Variants in TNRC6A observed in about 807,000 individuals in gnomAD.
The protein encoded by TNRC6A is trinucleotide repeat-containing gene 6A protein.
In TNRC6A, 44 loss-of-function variants were observed where a neutral mutation model predicts 221.2. The ratio of observed to expected loss-of-function variants is 0.20; its 90% CI spans 0.16 to 0.26. TNRC6A has a LOEUF of 0.26. Among genes scored for constraint, TNRC6A ranks in the 10% least tolerant of loss-of-function variants. TNRC6A has a pLI of 1.00. For missense variants in TNRC6A, 2,199 were observed against 2,404.4 expected, an observed-to-expected ratio of 0.91 and a Z score of 1.79; for synonymous variants, 847 against 838.5, an observed-to-expected ratio of 1.01 and a Z score of -0.18.
intron 4 of TNRC6A, among the ~76,000 whole-genome samples, chr16:24,763,701 C>T (rs2057411646): frequency 6.6e-6 from 1 of 152,164 alleles, no homozygotes; most frequent in Non-Finnish European, 1.5e-5. Context: ...ATGTTATGGT[C>T]ACTGGTAATA....
chr16:24,709,924 A>T (rs1017944628), intron 2 of TNRC6A, among the ~76,000 whole-genome samples: 5 of 151,946 alleles, frequency 3.3e-5, no homozygotes, highest in African/African-American at 7.3e-5. Flanking sequence ...AAAGGTATAA[A>T]TTTTTTTTAA....
chr16:24,678,878 C>G (rs2055472498), intron 2 of TNRC6A, among the ~76,000 whole-genome samples: 1 of 152,130 alleles, frequency 6.6e-6, no homozygotes, highest in Admixed American at 6.6e-5. Context: ...CCATTTCAAA[C>G]TGTGAACTCT....
Position 24,824,125 on chromosome 16 carries a change from A to ACCC in TNRC6A, c.*318_*319insCCC, listed in dbSNP as rs1402582098. ...TTTTTTTTTCCTTCTATTCCTCCCC[A>ACCC]ACCCCCCCCCCCGCCCCTTTTTTTC... On this transcript the variant is annotated 3_prime_UTR_variant, in exon 25 of 25. Transcript: ENST00000395799. 403 of 21,320 alleles carry ACCC rather than the reference A, an allele frequency of 0.019. No homozygotes were observed. The highest frequency in any genetic ancestry group is 0.029 in the African/African-American group (106 of 3,654). The allele number at this position is 21,320 out of a possible 1,614,324, so 1.3% of individuals were successfully genotyped here.
intron 3 of TNRC6A, among the ~76,000 whole-genome samples, chr16:24,756,720 T>G (rs555149300): frequency 6.6e-6 from 1 of 152,304 alleles, no homozygotes; most frequent in South Asian, 2.1e-4. Flanking sequence ...CTCAAACTCC[T>G]GGCCTCAAGC....
rs1405927737 is a variant in TNRC6A at position 24,678,324 on chromosome 16, A to AG, written n.402+37315_402+37316insG. ...AGACCCTGTCTCAAAAAAAAAAAAA[A>AG]AAAATAGGCTATGGCAAAAGTGATG... On this transcript the variant is annotated intron_variant and non_coding_transcript_variant, in intron 2 of 2. Transcript: ENST00000566108. Among the ~76,000 whole-genome samples the AG allele has an allele frequency of 5.3e-5, 8 of 151,854 alleles. No individual in the cohort carries two copies. In the East Asian group the frequency reaches 1.5e-3, roughly 29 times the overall value.
chr16:24,689,300 C>A (rs536267097), intron 2 of TNRC6A, among the ~76,000 whole-genome samples: 1 of 152,146 alleles, frequency 6.6e-6, no homozygotes, highest in Admixed American at 6.6e-5. Flanking sequence ...TCACAGCCAA[C>A]GCTTTAGGAA....
At chr16:24,614,580 T>C (rs1310043129) in intron 1 of TNRC6A, among the ~76,000 whole-genome samples, 1 of 152,170 alleles carries the variant, frequency 6.6e-6, no homozygotes, top group Non-Finnish European at 1.5e-5. Context: ...GTGGGTGTGG[T>C]GAAATAAGAT....
rs190482613 is a variant in TNRC6A, at chr16:24,805,231, A to G, written c.4122+80A>G. 54 of 1,552,362 alleles carry G rather than the reference A, an allele frequency of 3.5e-5. 1 individual carries two copies. In the Middle Eastern group the frequency reaches 6.8e-4, roughly 20 times the overall value. On this transcript the variant is annotated intron_variant, in intron 14 of 24. Coordinates refer to ENST00000395799, the MANE Select transcript of TNRC6A (RefSeq NM_014494.4). The stretch of plus-strand genomic sequence containing the variant: ...ATTTTGTATTTGAATAAAATGGCTA[A>G]CTAAGCATTATCATATTTATTGGCA...
intron 5 of TNRC6A, among the ~76,000 whole-genome samples, chr16:24,783,964 G>A (rs1228450537): frequency 2.0e-5 from 3 of 152,070 alleles, no homozygotes; most frequent in African/African-American, 4.8e-5. Context: ...AGTTTTAATA[G>A]CGTCTTTTCC....
chr16:24,764,866 A>T (rs1486530950), intron 4 of TNRC6A, among the ~76,000 whole-genome samples: 1 of 152,200 alleles, frequency 6.6e-6, no homozygotes, highest in Admixed American at 6.5e-5. Flanking sequence ...TTCCTATACA[A>T]CATACCTATG....
At chr16:24,722,395 C>G (rs916700885) in intron 2 of TNRC6A, among the ~76,000 whole-genome samples, 4 of 150,848 alleles carry the variant, frequency 2.7e-5, no homozygotes, top group African/African-American at 9.8e-5. Context: ...GCCTGGGTGA[C>G]AGAGCAAGAC....
intron 5 of TNRC6A, chr16:24,778,407 C>A (rs2057771620): frequency 1.0e-6 from 1 of 985,314 alleles, no homozygotes; most frequent in African/African-American, 1.7e-5. Flanking sequence ...ATGCTTGTAA[C>A]CACCATGCTG....
In TNRC6A at chr16:24,820,031, TTTTG is replaced by T. The variant is rs1010605617; in HGVS notation, c.5081-101_5081-98del. ...AGTTGATTTGGGGTTTTAAAGTTTC[TTTTG>T]TTTGTTAGATTTGCTTTTTGTGGGA... On this transcript the variant is annotated intron_variant, in intron 21 of 24. Transcript: ENST00000395799. 3.8e-6 allele frequency: 4 copies of T among 1,065,606 alleles called. No homozygotes were observed. In the African/African-American group the frequency reaches 6.4e-5, roughly 17 times the overall value. The allele number at this position is 1,065,606 out of a possible 1,614,324, so 66.0% of individuals were successfully genotyped here.
rs1426770982 is a variant in TNRC6A at position 24,690,016 on chromosome 16, AAAAAAAAAAAATT to A, written n.402+49008_402+49020del. On this transcript the variant is annotated intron_variant and non_coding_transcript_variant, in intron 2 of 2. Transcript: ENST00000566108. ...AAAAAAAAAAAAAAAAAAAAAAAAA[AAAAAAAAAAAATT>A]TTTTTTTTTTGAGATAGGGTCTCAT... is the stretch of plus-strand genomic sequence containing the variant. Among the ~76,000 whole-genome samples, 4 of 77,878 alleles carry A rather than the reference AAAAAAAAAAAATT, an allele frequency of 5.1e-5. No homozygotes were observed. The East Asian group carries it at 1.4e-3, about 26-fold the overall frequency. The allele number at this position is 77,878 out of a possible 152,430, so 51.1% of individuals were successfully genotyped here.
intron 20 of TNRC6A, 111 bp downstream of exon 20, chr16:24,817,067 C>G (rs1348023637): frequency 2.6e-6 from 3 of 1,151,794 alleles, no homozygotes; most frequent in East Asian, 6.5e-5. Flanking sequence ...TCTGGGATCA[C>G]TTGAGCCCAG....
chr16:24,729,670 C>T lies in TNRC6A; in HGVS notation c.-172C>T. 1.5e-6 allele frequency: 1 copy of T among 661,598 alleles called. No individual in the cohort carries two copies. The highest frequency in any genetic ancestry group is 2.1e-6 in the Non-Finnish European group (1 of 476,990). 41.0% of individuals were successfully genotyped at this position (661,598 alleles called of 1,614,324 possible). A position where few individuals can be genotyped will look rare whatever the true frequency, so the allele number is the denominator to read the frequency against. On this transcript the variant is annotated 5_prime_UTR_variant, in exon 1 of 25. Coordinates refer to ENST00000395799, the MANE Select transcript of TNRC6A (RefSeq NM_014494.4). Reference sequence around the variant, plus strand: ...GCATTCACTTCCGGTCTGGGGCCTGCGGCGGCGGCGGTGTCGGCGGCGGCG... The same window carrying T: ...GCATTCACTTCCGGTCTGGGGCCTGTGGCGGCGGCGGTGTCGGCGGCGGCG...
At chr16:24,723,427 C>T (rs1376100726) in intron 2 of TNRC6A, among the ~76,000 whole-genome samples, 2 of 152,028 alleles carry the variant, frequency 1.3e-5, no homozygotes, top group African/African-American at 4.8e-5. Flanking sequence ...AACCCTGTCT[C>T]TACTAAAAAT....
At chr16:24,809,518 A>C (rs1567510835) in intron 18 of TNRC6A, 37 bp downstream of exon 18, 15 of 1,310,042 alleles carry the variant, frequency 1.1e-5, no homozygotes, top group East Asian at 2.5e-5. Context: ...AAAAAAAAAA[A>C]CACACACACC....
At chr16:24,795,125 A>C (rs1259634088) in intron 8 of TNRC6A, among the ~76,000 whole-genome samples, 1 of 152,076 alleles carries the variant, frequency 6.6e-6, no homozygotes, top group African/African-American at 2.4e-5. Flanking sequence ...CATCCTCCTT[A>C]TTCACCTGTC....
Sources: allele counts gnomAD v4.1 joint callset (sites outside exome capture counted in the v4.1 genomes callset), GRCh38; gene constraint gnomAD v4.1.1; transcripts MANE v1.5; gene names NCBI Gene and HGNC (gene_info 2026-07-23, HGNC 2026-07-21).